AFDN: variants seen among roughly 807,000 people sequenced by gnomAD.
AFDN encodes the protein afadin.
AFDN carries 68 observed loss-of-function variants against 216.6 expected under a neutral mutation model. The observed-to-expected ratio is 0.31, with a 90% confidence interval of 0.26 to 0.38. The LOEUF (loss-of-function observed/expected upper bound fraction) is 0.38. Among genes scored for constraint, AFDN ranks in the 10% least tolerant of loss-of-function variants. AFDN has a pLI of 1.00. For synonymous variants in AFDN, 868 were observed against 853.7 expected (o/e 1.02, Z -0.29); for missense variants, 2,136 against 2,342.0 (o/e 0.91, Z 1.82).
intron 23 of AFDN, among the ~76,000 whole-genome samples, chr6:167,928,381 T>A (rs1792843895): frequency 6.6e-6 from 1 of 152,202 alleles, no homozygotes; most frequent in Admixed American, 6.5e-5. Flanking sequence ...AGCTTGAAAG[T>A]CACACCTGAG....
In AFDN at chr6:167,971,394, T is replaced by G. The variant is rs1009086979; in HGVS notation, c.*1459T>G. ...CCTTCGAAATCACTTTTAATAAAAG[T>G]TGTATGATAAATCATTAAAAATGCG... On this transcript the variant is annotated 3_prime_UTR_variant, in exon 34 of 34. Transcript: ENST00000683244. 4.9e-6 allele frequency: 1 copy of G among 204,836 alleles called. No homozygotes were observed. The highest frequency in any genetic ancestry group is 6.0e-5 in the Admixed American group (1 of 16,776). 12.7% of individuals were successfully genotyped at this position (204,836 alleles called of 1,614,324 possible).
intron 4 of AFDN, among the ~76,000 whole-genome samples, chr6:167,874,588 G>C (rs1785135032): frequency 6.7e-6 from 1 of 149,922 alleles, no homozygotes; most frequent in African/African-American, 2.4e-5. Flanking sequence ...CAATTAATTT[G>C]GGCTTTTCAA....
intron 1 of AFDN, among the ~76,000 whole-genome samples, chr6:167,838,828 C>T (rs1274135409): frequency 1.3e-5 from 2 of 152,124 alleles, no homozygotes; most frequent in African/African-American, 4.8e-5. Context: ...ATCATGGGTG[C>T]TCTGAATATT....
intron 30 of AFDN, chr6:167,952,554 A>G (rs1796111732): frequency 1.0e-6 from 1 of 973,784 alleles, no homozygotes; most frequent in Admixed American, 6.2e-5. Flanking sequence ...CCAGGGCCAG[A>G]TTGATACTTT....
At chr6:167,832,629 T>C (rs1779951203) in intron 1 of AFDN, among the ~76,000 whole-genome samples, 1 of 152,236 alleles carries the variant, frequency 6.6e-6, no homozygotes, top group Non-Finnish European at 1.5e-5. Context: ...GAAGGTATTT[T>C]CCCAGTGTAT....
intron 12 of AFDN, among the ~76,000 whole-genome samples, chr6:167,904,418 C>T (rs1249981354): frequency 6.6e-6 from 1 of 152,092 alleles, no homozygotes; most frequent in Non-Finnish European, 1.5e-5. Flanking sequence ...CCATGTTGCC[C>T]AGGCTGGTCT....
intron 8 of AFDN, among the ~76,000 whole-genome samples, chr6:167,891,355 C>G (rs576033394): frequency 1.3e-5 from 2 of 150,330 alleles, no homozygotes; most frequent in Admixed American, 1.3e-4. Context: ...AATAGTTACT[C>G]TACCAACAAT....
At chr6:167,926,263 TA>T (rs530796759) in intron 23 of AFDN, among the ~76,000 whole-genome samples, 218 of 152,320 alleles carry the variant, frequency 1.4e-3, no homozygotes, top group African/African-American at 5.1e-3. Context: ...AATGAGGGTA[TA>T]GGGGCAGGCC....
In AFDN at chr6:167,875,319, T is replaced by A. The variant is rs764292545; in HGVS notation, c.579-16T>A. On this transcript the variant is annotated splice_polypyrimidine_tract_variant and intron_variant, in intron 4 of 33. Transcript: ENST00000683244. ...AACAGTGTTTAAAATATTTTTGGTA[T>A]TTTTTTTTCTTACAGTGAAAATTCT... The A allele has an allele frequency of 6.4e-7, 1 of 1,562,306 alleles. No homozygotes were observed. Among genetic ancestry groups the A allele is most frequent in the Admixed American group, 1.9e-5 (1 of 52,754 alleles).
chr6:167,855,036 T>TG lies in AFDN; in HGVS notation c.106-9514dup, dbSNP rs1211176954. On this transcript the variant is annotated intron_variant, in intron 1 of 33. Transcript: ENST00000683244. ...TAATATTACAAGAGAAATTCTGTTT[T>TG]GAAAAACAAACTGTTCAATGATGAT... 9.9e-5 allele frequency among the ~76,000 whole-genome samples: 15 copies of TG among 152,108 alleles called. No homozygotes were observed. In the South Asian group the frequency reaches 1.9e-3, roughly 19 times the overall value.
intron 1 of AFDN, among the ~76,000 whole-genome samples, chr6:167,862,931 C>G (rs947471514): frequency 1.3e-5 from 2 of 152,138 alleles, no homozygotes; most frequent in Admixed American, 1.3e-4. Flanking sequence ...CATACATGCT[C>G]ATTTATTTTG....
At chr6:167,875,748 A>G (rs779509781) in intron 5 of AFDN, among the ~76,000 whole-genome samples, 1 of 152,028 alleles carries the variant, frequency 6.6e-6, no homozygotes, top group Non-Finnish European at 1.5e-5. Context: ...AATTTCAAGT[A>G]TATACAAAAA....
intron 9 of AFDN, 30 bp downstream of exon 9, chr6:167,893,936 A>T (rs1426936194): frequency 4.4e-5 from 66 of 1,492,058 alleles, no homozygotes; most frequent in Non-Finnish European, 5.7e-5. Flanking sequence ...TACTTTTATA[A>T]CTAAAGCACT....
chr6:167,844,872 G>GTTTTTTTT (rs1289118837), intron 1 of AFDN, among the ~76,000 whole-genome samples: 24 of 137,396 alleles, frequency 1.7e-4, no homozygotes, highest in East Asian at 4.2e-4. Context: ...TTTTTTTTTG[G>GTTTTTTTT]TTTTTGAGAC....
At chr6:167,900,320 C>T (rs551843569) in intron 11 of AFDN, among the ~76,000 whole-genome samples, 1 of 152,242 alleles carries the variant, frequency 6.6e-6, no homozygotes, top group African/African-American at 2.4e-5. Context: ...TGGTTATAAA[C>T]GAGTGGCAAA....
chr6:167,893,891 T>C lies in AFDN; in HGVS notation c.1207T>C (p.Tyr403His). 6.3e-7 allele frequency: 1 copy of C among 1,588,560 alleles called. No homozygotes were observed. The highest frequency in any genetic ancestry group is 8.6e-7 in the Non-Finnish European group (1 of 1,165,808). Residue 403 changes from tyrosine (Y) to histidine (H), a missense_variant, in exon 9 of 34, where the codon TAT becomes CAT. Coordinates refer to ENST00000683244, the MANE Select transcript of AFDN (RefSeq NM_001386888.1). ...GRRNHFAYYN[Y>H]HTYEDGSDSR... ...AAGGAATCACTTTGCCTACTACAAC[T>C]ATCACACTTACGAAGGTAATGCTAT...
chr6:167,838,235 A>T (rs971147054), intron 1 of AFDN, among the ~76,000 whole-genome samples: 5 of 152,212 alleles, frequency 3.3e-5, no homozygotes, highest in Non-Finnish European at 7.3e-5. Flanking sequence ...AAAGGAGGTC[A>T]AGACCTACCC....
At chr6:167,875,307 A>G (rs1785230620) in intron 4 of AFDN, 28 bp from the exon 5 acceptor site, 3 of 1,591,874 alleles carry the variant, frequency 1.9e-6, no homozygotes, top group African/African-American at 2.7e-5. Context: ...AGTGTTTAAA[A>G]TATTTTTGGT....
intron 11 of AFDN, among the ~76,000 whole-genome samples, chr6:167,901,036 C>G (rs1375934870): frequency 4.6e-5 from 7 of 152,006 alleles, no homozygotes; most frequent in Admixed American, 4.6e-4. Flanking sequence ...GTTTTATTTT[C>G]TTAGTGGTGA....
Sources: allele counts gnomAD v4.1 joint callset (sites outside exome capture counted in the v4.1 genomes callset), GRCh38; gene constraint gnomAD v4.1.1; transcripts MANE v1.5; gene names NCBI Gene and HGNC (gene_info 2026-07-23, HGNC 2026-07-21).